The following TNRC6A variants were observed in gnomAD, a reference collection of about 807,000 sequenced individuals.
TNRC6A encodes trinucleotide repeat-containing gene 6A protein.
Under a neutral mutation model 221.2 loss-of-function variants are expected in TNRC6A, and 44 were observed. The ratio of observed to expected loss-of-function variants is 0.20; its 90% CI spans 0.16 to 0.26. TNRC6A has a LOEUF of 0.26. TNRC6A is among the 10% of genes least tolerant of loss of function. TNRC6A has a pLI of 1.00. For missense variants in TNRC6A, 2,199 were observed against 2,404.4 expected (o/e 0.91, Z 1.79); for synonymous variants, 847 against 838.5 (o/e 1.01, Z -0.18).
At chr16:24,751,173 G>A (rs1479063976) in intron 3 of TNRC6A, among the ~76,000 whole-genome samples, 1 of 151,994 alleles carries the variant, frequency 6.6e-6, no homozygotes, top group Non-Finnish European at 1.5e-5. Flanking sequence ...CACATAGAAT[G>A]GTGTGACTTT....
intron 11 of TNRC6A, among the ~76,000 whole-genome samples, chr16:24,801,832 G>C (rs2058337857): frequency 6.6e-6 from 1 of 152,206 alleles, no homozygotes; most frequent in South Asian, 2.1e-4. Flanking sequence ...TTATCAAGAA[G>C]GAACAGCTTG....
In TNRC6A at chr16:24,790,190, C is replaced by A. The variant is rs981245299; in HGVS notation, c.1548C>A (p.Gly516=). The change falls in exon 6 of 25, where the codon GGC becomes GGA. Residue 516 remains glycine, a synonymous_variant. Transcript: ENST00000395799. ...HLSNGESKSG[G]SYGTTWGAYG... ...GCAATGGAGAGTCAAAAAGTGGAGG[C>A]TCTTATGGTACTACATGGGGTGCCT... The A allele has an allele frequency of 3.1e-6, 5 of 1,614,060 alleles. No individual in the cohort carries two copies. Among genetic ancestry groups the A allele is most frequent in the Non-Finnish European group, 4.2e-6 (5 of 1,180,028 alleles).
chr16:24,612,592 C>CAAA (rs113914907), intron 1 of TNRC6A, among the ~76,000 whole-genome samples: 1 of 125,738 alleles, frequency 8.0e-6, no homozygotes, highest in Non-Finnish European at 1.8e-5. Flanking sequence ...ACAAAAAATA[C>CAAA]AAAAAAAAAA....
At chr16:24,810,822 AAG>A (rs1278745363) in intron 18 of TNRC6A, among the ~76,000 whole-genome samples, 2 of 152,198 alleles carry the variant, frequency 1.3e-5, no homozygotes, top group Admixed American at 6.5e-5. Flanking sequence ...TAGTCTAGGT[AAG>A]AGAGAGAAAG....
intron 1 of TNRC6A, among the ~76,000 whole-genome samples, chr16:24,636,819 T>C (rs1596568219): frequency 6.6e-6 from 1 of 152,192 alleles, no homozygotes; most frequent in African/African-American, 2.4e-5. Context: ...ATCCAGAAAG[T>C]TCAGATATTC....
chr16:24,721,721 G>A (rs142380706), intron 2 of TNRC6A, among the ~76,000 whole-genome samples: 240 of 152,238 alleles, frequency 1.6e-3, no homozygotes, highest in African/African-American at 5.3e-3. Flanking sequence ...GTGGGAAGAT[G>A]GCTTCAGCCC....
At chr16:24,782,827 G>A (rs1055750666) in intron 5 of TNRC6A, among the ~76,000 whole-genome samples, 3 of 152,040 alleles carry the variant, frequency 2.0e-5, no homozygotes, top group East Asian at 1.9e-4. Flanking sequence ...AGCCGAGATC[G>A]CGCCACTGCA....
chr16:24,642,263 C>T (rs1230035584), intron 2 of TNRC6A, among the ~76,000 whole-genome samples: 1 of 152,078 alleles, frequency 6.6e-6, no homozygotes, highest in Non-Finnish European at 1.5e-5. Context: ...CAATGTTGTC[C>T]GAAGGTTATC....
chr16:24,780,702 G>T (rs1596691386), intron 5 of TNRC6A, among the ~76,000 whole-genome samples: 1 of 151,730 alleles, frequency 6.6e-6, no homozygotes, highest in East Asian at 1.9e-4. Flanking sequence ...TTCTTAAGGT[G>T]TATGAGTATA....
At chr16:24,821,814 G>T (rs903933397) in intron 22 of TNRC6A, 10 of 504,656 alleles carry the variant, frequency 2.0e-5, no homozygotes, top group African/African-American at 1.1e-4. Context: ...AAAAGATGCA[G>T]CCTTTTGTGG....
upstream of TNRC6A, among the ~76,000 whole-genome samples, chr16:24,724,933 T>G (rs1360445922): frequency 6.6e-6 from 1 of 152,106 alleles, no homozygotes; most frequent in African/African-American, 2.4e-5. Flanking sequence ...TTCTTCCAAG[T>G]ACATAATTTC....
chr16:24,655,118 C>T (rs1716246986), intron 2 of TNRC6A, among the ~76,000 whole-genome samples: 1 of 152,088 alleles, frequency 6.6e-6, no homozygotes, highest in Admixed American at 6.6e-5. Flanking sequence ...GTGGCAGACG[C>T]CTGTGTTCCC....
At chr16:24,800,051 G>C (rs1439735794) in intron 11 of TNRC6A, among the ~76,000 whole-genome samples, 1 of 152,158 alleles carries the variant, frequency 6.6e-6, no homozygotes, top group African/African-American at 2.4e-5. Context: ...CATACCTCAA[G>C]GAGTGCAAAA....
chr16:24,655,237 C>G (rs1287964360), intron 2 of TNRC6A, among the ~76,000 whole-genome samples: 2 of 150,988 alleles, frequency 1.3e-5, no homozygotes, highest in African/African-American at 4.9e-5. Context: ...CAACAAGATC[C>G]TGTCTCAAAA....
rs2058836851 is a variant in TNRC6A, at chr16:24,824,654, A to G, written c.*847A>G. On this transcript the variant is annotated 3_prime_UTR_variant, in exon 25 of 25. Coordinates refer to ENST00000395799, the MANE Select transcript of TNRC6A (RefSeq NM_014494.4). ...ACAAAAAAAAAATGGAGGATGATTT[A>G]AAAGATGCTTTCTATCTCTGGGAAA... 6.6e-6 allele frequency: 1 copy of G among 152,528 alleles called. No homozygotes were observed. The highest frequency in any genetic ancestry group is 6.5e-5 in the Admixed American group (1 of 15,278). The allele number at this position is 152,528 out of a possible 1,614,324, so 9.4% of individuals were successfully genotyped here.
Position 24,820,182 on chromosome 16 carries a change from T to C in TNRC6A, c.5124T>C (p.Val1708=). ...DSKLTWSPGS[V]TNTSLAHELW... is the part of the protein sequence containing the mutation. ...AATTGACATGGTCTCCTGGTTCAGT[T>C]ACAAACACCTCTCTGGCTCATGAGC... Residue 1708 remains valine (V), a synonymous_variant, in exon 22 of 25, where the codon GTT becomes GTC. Coordinates refer to ENST00000395799, the MANE Select transcript of TNRC6A (RefSeq NM_014494.4). 3 of 1,614,198 alleles carry C rather than the reference T, an allele frequency of 1.9e-6. No individual in the cohort carries two copies. Among genetic ancestry groups the C allele is most frequent in the Non-Finnish European group, 2.5e-6 (3 of 1,180,038 alleles).
At chr16:24,709,451 A>C (rs1207244485) in intron 2 of TNRC6A, among the ~76,000 whole-genome samples, 1 of 152,198 alleles carries the variant, frequency 6.6e-6, no homozygotes, top group African/African-American at 2.4e-5. Context: ...CTCTCCTTGA[A>C]AGGCAAATTA....
intron 2 of TNRC6A, among the ~76,000 whole-genome samples, chr16:24,675,732 A>C (rs1056387424): frequency 7.5e-6 from 1 of 133,406 alleles, no homozygotes; most frequent in African/African-American, 2.8e-5. Context: ...ATATATATAT[A>C]TATATATATG....
intron 2 of TNRC6A, among the ~76,000 whole-genome samples, chr16:24,683,356 C>T (rs1286329437): frequency 6.6e-6 from 1 of 152,086 alleles, no homozygotes; most frequent in African/African-American, 2.4e-5. Flanking sequence ...ACCACCATGC[C>T]CAGCAATTTT....
Sources: allele counts gnomAD v4.1 joint callset (sites outside exome capture counted in the v4.1 genomes callset), GRCh38; gene constraint gnomAD v4.1.1; transcripts MANE v1.5; gene names NCBI Gene and HGNC (gene_info 2026-07-23, HGNC 2026-07-21).